The following ADAMTSL2 variants were observed in gnomAD, a reference collection of about 807,000 sequenced individuals.
ADAMTSL2 encodes ADAMTS-like protein 2.
In ADAMTSL2, 55 loss-of-function variants were observed where a neutral mutation model predicts 117.0. The ratio of observed to expected loss-of-function variants is 0.47; its 90% CI spans 0.38 to 0.59. The LOEUF (loss-of-function observed/expected upper bound fraction) is 0.59. Ranked by LOEUF, ADAMTSL2 falls within the 20% of genes least tolerant of loss-of-function variation. The pLI is 0.00. For synonymous variants in ADAMTSL2, 572 were observed against 566.4 expected (o/e 1.01, Z -0.14); for missense variants, 1,182 against 1,354.5 (o/e 0.87, Z 2.00).
At position 133,549,820 on chromosome 9, in the gene ADAMTSL2, G is replaced by A. The variant is rs199591358; in HGVS notation, c.939+2607G>A. ...TAAAGTGTAATGAAACTGTTGCTTC[G>A]TCTTTGGGTGGAAACGTTCCCCATG... On this transcript the variant is annotated intron_variant, in intron 9 of 18. Coordinates refer to ENST00000651351, the MANE Select transcript of ADAMTSL2 (RefSeq NM_014694.4). Among the ~76,000 whole-genome samples, 8 of 152,154 alleles carry A rather than the reference G, an allele frequency of 5.3e-5. No homozygotes were observed. The East Asian group carries it at 1.2e-3, about 22-fold the overall frequency.
rs928774194 is a variant in ADAMTSL2, at chr9:133,557,044, G to A, written c.1649+1114G>A. ...CAACCCAAGCCCTTTGACTTTAGAC[G>A]CAAGCATGAACTGAACCCGGCCTGG... On this transcript the variant is annotated intron_variant, in intron 11 of 18. Transcript: ENST00000651351. This position sits in a 1 kb window ranked among gnomAD's most constrained non-coding sequence, Gnocchi z 5.2. Among the ~76,000 whole-genome samples the A allele has an allele frequency of 6.6e-6, 1 of 152,194 alleles. No individual in the cohort carries two copies. The highest frequency in any genetic ancestry group is 2.4e-5 in the African/African-American group (1 of 41,444).
chr9:133,564,103 AGAGAGAGAAAAAGG>A (rs1564509048), intron 12 of ADAMTSL2, among the ~76,000 whole-genome samples: 2 of 54,798 alleles, frequency 3.6e-5, no homozygotes, highest in African/African-American at 8.8e-5. Flanking sequence ...GGAGAGAGAG[AGAGAGAGAAAAAGG>A]GGGAGAGAGA....
intron 17 of ADAMTSL2, among the ~76,000 whole-genome samples, chr9:133,572,761 G>C (rs992216157): frequency 5.3e-5 from 8 of 152,294 alleles, no homozygotes; most frequent in African/African-American, 1.9e-4. Flanking sequence ...TGGGCGCGTG[G>C]ACTCCTTCTT....
intron 8 of ADAMTSL2, among the ~76,000 whole-genome samples, chr9:133,546,371 C>G (rs946093886): frequency 3.3e-5 from 5 of 151,340 alleles, no homozygotes; most frequent in Non-Finnish European, 7.4e-5. Flanking sequence ...CACCAGGCCA[C>G]CCTGGCCTGA....
At chr9:133,551,005 G>A (rs1439575476) in intron 9 of ADAMTSL2, among the ~76,000 whole-genome samples, 1 of 152,096 alleles carries the variant, frequency 6.6e-6, no homozygotes, top group Non-Finnish European at 1.5e-5. Flanking sequence ...CCAACCTTCT[G>A]ATCTTTCCCA....
chr9:133,564,537 A>AGAGGGAGAGAGGGAGAGG (rs1830898060), intron 12 of ADAMTSL2, among the ~76,000 whole-genome samples: 1 of 94,190 alleles, frequency 1.1e-5, no homozygotes, highest in African/African-American at 4.4e-5. Flanking sequence ...AGAGAGACAG[A>AGAGGGAGAGAGGGAGAGG]GAGGGAGAGA....
chr9:133,535,061 C>G (rs991393387), intron 1 of ADAMTSL2, 144 bp downstream of exon 1: 17 of 1,278,348 alleles, frequency 1.3e-5, no homozygotes, highest in Non-Finnish European at 1.5e-5. Flanking sequence ...GGGGTCGGGC[C>G]GCAGAGCACG....
At chr9:133,566,296 C>T (rs1187071692) in intron 12 of ADAMTSL2, among the ~76,000 whole-genome samples, 2 of 152,180 alleles carry the variant, frequency 1.3e-5, no homozygotes, top group Non-Finnish European at 2.9e-5. Flanking sequence ...CAAAAATTAG[C>T]CGGGTGTGGT....
intron 9 of ADAMTSL2, among the ~76,000 whole-genome samples, chr9:133,548,820 G>A (rs995695832): frequency 6.6e-6 from 1 of 152,180 alleles, no homozygotes; most frequent in East Asian, 1.9e-4. Context: ...GGGGTCCGTG[G>A]TCCACCCCCA....
In ADAMTSL2 at chr9:133,565,434, A is replaced by G. The variant is rs374060310; in HGVS notation, c.1748-1502A>G. On this transcript the variant is annotated intron_variant, in intron 12 of 18. Transcript: ENST00000651351. ...CGAATGAATAACCAGGCACTTGGCG[A>G]TGGTCTGCAAGTCCCCAGCCCCGCA... is the stretch of plus-strand genomic sequence containing the variant. 4.5e-3 allele frequency among the ~76,000 whole-genome samples: 683 copies of G among 152,210 alleles called. 8 individuals carry two copies. Among genetic ancestry groups the G allele is most frequent in the African/African-American group, 0.015 (639 of 41,534 alleles).
chr9:133,534,674 TA>T (rs1830005147), upstream of ADAMTSL2: 1 of 1,351,110 alleles, frequency 7.4e-7, no homozygotes, highest in Non-Finnish European at 9.6e-7. Context: ...GCCTGACAGC[TA>T]TAAAGGCGGC....
chr9:133,533,163 CTGTGTGTGTGTGTGTGTG>C (rs71378583), upstream of ADAMTSL2, among the ~76,000 whole-genome samples: 1,344 of 148,160 alleles, frequency 9.1e-3, 20 homozygotes, highest in African/African-American at 0.032. Flanking sequence ...GTGTGTGTGC[CTGTGTGTGTGTGTGTGTG>C]TGTGTGTGTG....
At chr9:133,535,024 T>C (rs763345635) in intron 1 of ADAMTSL2, 107 bp downstream of exon 1, 6 of 1,290,598 alleles carry the variant, frequency 4.6e-6, no homozygotes, top group Non-Finnish European at 5.9e-6. Flanking sequence ...CTGGAGCCGT[T>C]ACATAACGTG....
intron 12 of ADAMTSL2, among the ~76,000 whole-genome samples, chr9:133,563,370 C>T (rs903462847): frequency 2.0e-5 from 3 of 152,228 alleles, no homozygotes; most frequent in East Asian, 1.9e-4. Flanking sequence ...AAGTCCTTTG[C>T]GGACCTGCCC....
intron 7 of ADAMTSL2, among the ~76,000 whole-genome samples, chr9:133,541,641 C>A (rs995237931): frequency 5.3e-5 from 8 of 152,190 alleles, no homozygotes; most frequent in African/African-American, 1.9e-4. Context: ...ATTCTCTCCA[C>A]GGATATGAGG....
At chr9:133,540,783 G>A (rs777593614) in intron 6 of ADAMTSL2, 40 bp downstream of exon 6, 4 of 1,613,452 alleles carry the variant, frequency 2.5e-6, no homozygotes, top group Non-Finnish European at 3.4e-6. Context: ...CGGTCTCACT[G>A]TGCTGACTGC....
intron 7 of ADAMTSL2, among the ~76,000 whole-genome samples, chr9:133,541,622 C>T (rs565587699): frequency 1.5e-4 from 23 of 152,278 alleles, no homozygotes; most frequent in African/African-American, 4.8e-4. Context: ...AAACTAAGGC[C>T]CAAGACCCAT....
chr9:133,564,389 A>G (rs1201195507), intron 12 of ADAMTSL2, among the ~76,000 whole-genome samples: 2 of 52,216 alleles, frequency 3.8e-5, no homozygotes, highest in East Asian at 1.0e-3. Context: ...AGAGAGGGAG[A>G]GAGAGAGGGA....
chr9:133,537,635 C>T, intron 3 of ADAMTSL2, 88 bp downstream of exon 3: 2 of 1,262,722 alleles, frequency 1.6e-6, no homozygotes, highest in South Asian at 3.3e-5. Context: ...AGCCTGGTGG[C>T]TTCTCCCCCT....
Sources: gnomAD v4.1 joint callset for allele counts (sites outside exome capture counted in the v4.1 genomes callset) on GRCh38, gnomAD v4.1.1 for gene constraint, Gnocchi (gnomAD v3.1) non-coding constraint, MANE v1.5 for transcripts, NCBI Gene and HGNC (gene_info 2026-07-23, HGNC 2026-07-21) for gene names.